Variants in ZNF208 observed in about 807,000 individuals in gnomAD.
ZNF208 encodes the protein zinc finger protein 95.
A neutral mutation model predicts 12.1 loss-of-function variants in ZNF208; 10 were observed. That is an observed-to-expected ratio of 0.83 (90% CI 0.51 to 1.40). The LOEUF is 1.40. ZNF208 is among the 40% of genes most tolerant of loss of function. ZNF208 has a pLI of 0.00. For missense variants in ZNF208, 1,652 were observed against 1,485.0 expected, an observed-to-expected ratio of 1.11 and a Z score of -1.85; for synonymous variants, 497 against 488.4, an observed-to-expected ratio of 1.02 and a Z score of -0.23.
At chr19:21,950,522 C>T (rs1969873588) in intron 4 of ZNF208, among the ~76,000 whole-genome samples, 1 of 145,114 alleles carries the variant, frequency 6.9e-6, no homozygotes, top group African/African-American at 2.6e-5. Context: ...AGGACAGAGT[C>T]TCACTCTGTC....
Position 21,972,631 on chromosome 19 carries a change from A to G in ZNF208, c.2403T>C (p.Asp801=). Residue 801 remains aspartate, a synonymous_variant, in exon 4 of 4, where the codon GAT becomes GAC. Transcript: ENST00000397126. The stretch of plus-strand genomic sequence containing the variant: ...ATTCTTCACATTTGTAGGGTTTCTC[A>G]TCAGTATGAATTCTCTTATGTTTAA... ...ILIKHKRIHT[D]EKPYKCEECG... 6 of 1,602,626 alleles carry G rather than the reference A, an allele frequency of 3.7e-6. No homozygotes were observed. The East Asian group carries it at 1.1e-4, about 30-fold the overall frequency.
intron 4 of ZNF208, among the ~76,000 whole-genome samples, chr19:21,943,524 T>C (rs1306062225): frequency 6.6e-6 from 1 of 152,216 alleles, no homozygotes; most frequent in African/African-American, 2.4e-5. Context: ...TGCTTTGTAC[T>C]AAGAATAATA....
At chr19:22,005,198 A>AG (rs1378992318) in intron 1 of ZNF208, among the ~76,000 whole-genome samples, 3 of 152,190 alleles carry the variant, frequency 2.0e-5, no homozygotes, top group Non-Finnish European at 4.4e-5. Flanking sequence ...AAAATTCCTG[A>AG]GGGTGGTGCC....
In ZNF208 at chr19:21,970,388, A is replaced by G. The variant is rs890094369; in HGVS notation, c.*803T>C. On this transcript the variant is annotated 3_prime_UTR_variant, in exon 4 of 4. Coordinates refer to ENST00000397126, the MANE Select transcript of ZNF208 (RefSeq NM_007153.3). ...TCCAGTATGAATTACATGAATGTTT[A>G]GTAAGGATTGAGGAATAGCTAAAAG... Among the ~76,000 whole-genome samples the G allele has an allele frequency of 2.6e-5, 4 of 152,168 alleles. No homozygotes were observed. Among genetic ancestry groups the G allele is most frequent in the African/African-American group, 9.6e-5 (4 of 41,462 alleles).
chr19:21,964,418 TTAAA>T (rs1200360835), downstream of ZNF208, among the ~76,000 whole-genome samples: 4 of 151,706 alleles, frequency 2.6e-5, no homozygotes, highest in African/African-American at 9.7e-5. Context: ...CTCTAAATTT[TTAAA>T]TAAATGATTT....
At chr19:21,980,003 G>GA (rs1341006611) in intron 3 of ZNF208, among the ~76,000 whole-genome samples, 2 of 151,776 alleles carry the variant, frequency 1.3e-5, no homozygotes, top group Non-Finnish European at 2.9e-5. Flanking sequence ...ATGGTAAAGG[G>GA]ATCAATGCAA....
At chr19:21,982,681 A>G (rs1970564759) in intron 3 of ZNF208, among the ~76,000 whole-genome samples, 1 of 152,206 alleles carries the variant, frequency 6.6e-6, no homozygotes, top group South Asian at 2.1e-4. Flanking sequence ...GACCAATGGA[A>G]CAGAACAAAG....
intron 1 of ZNF208, among the ~76,000 whole-genome samples, chr19:22,005,058 C>A (rs147425289): frequency 6.6e-6 from 1 of 152,108 alleles, no homozygotes; most frequent in African/African-American, 2.4e-5. Context: ...AGATTATGAA[C>A]CCTAGGCTGG....
chr19:22,005,426 A>G (rs559664474), intron 1 of ZNF208, among the ~76,000 whole-genome samples: 19 of 152,326 alleles, frequency 1.2e-4, no homozygotes, highest in Admixed American at 7.2e-4. Flanking sequence ...CCAGACACCC[A>G]GAGTTTCATT....
At chr19:21,941,157 A>G in intron 4 of ZNF208, 1 of 392,276 alleles carries the variant, frequency 2.5e-6, no homozygotes, top group East Asian at 3.6e-5. Context: ...CTTCAGCCAA[A>G]TGGAGGAACT....
In ZNF208 at chr19:22,010,818, G is replaced by A; in HGVS notation, c.-24C>T. ...ATTTCTAGGCTTCCAGGGGGTCCTG[G>A]CGACTTAGTTGTGGATCTCCCAATA... is the stretch of plus-strand genomic sequence containing the variant. On this transcript the variant is annotated 5_prime_UTR_variant, in exon 1 of 4. Transcript: ENST00000397126. 1.2e-6 allele frequency: 2 copies of A among 1,614,064 alleles called. No individual in the cohort carries two copies. The highest frequency in any genetic ancestry group is 1.1e-5 in the South Asian group (1 of 91,084).
chr19:21,960,805 A>C (rs1387781780), intron 4 of ZNF208, among the ~76,000 whole-genome samples: 1 of 152,220 alleles, frequency 6.6e-6, no homozygotes, highest in African/African-American at 2.4e-5. Flanking sequence ...CTAGAAAAAG[A>C]TGCACACTCA....
intron 4 of ZNF208, among the ~76,000 whole-genome samples, chr19:21,948,244 C>T (rs1184461930): frequency 6.6e-6 from 1 of 152,168 alleles, no homozygotes; most frequent in African/African-American, 2.4e-5. Context: ...TATATTCTGT[C>T]GCACAAACCC....
chr19:21,974,718 A>G lies in ZNF208; in HGVS notation c.316T>C (p.Cys106Arg), dbSNP rs748367150. Residue 106 changes from cysteine to arginine, a missense_variant, in exon 4 of 4, where the codon TGT (cysteine) becomes CGT (arginine). Physicochemically the swap from Cys to Arg is radical, Grantham distance 180. Coordinates refer to ENST00000397126, the MANE Select transcript of ZNF208 (RefSeq NM_007153.3). ...QKVILRRYEK[C>R]GHENLHLKIG... ...TTTAAGTGTAAATTCTCATGTCCAC[A>G]TTTTTCATACCTTCTCAATATCACT... is the stretch of plus-strand genomic sequence containing the variant. 9 of 1,613,432 alleles carry G rather than the reference A, an allele frequency of 5.6e-6. No individual in the cohort carries two copies. The Admixed American group carries it at 1.5e-4, about 27-fold the overall frequency.
In ZNF208 at chr19:21,988,782, C is replaced by A. The variant is rs770625711; in HGVS notation, c.130+1G>T. The A allele has an allele frequency of 6.2e-7, 1 of 1,614,074 alleles. No homozygotes were observed. Among genetic ancestry groups the A allele is most frequent in the Non-Finnish European group, 8.5e-7 (1 of 1,179,960 alleles). ...GAATTGCGTATTAAAGTTATTCTCA[C>A]CCAGGAAGACCAGGTTTCTGTAGTT... On this transcript the variant is annotated splice_donor_variant, in intron 2 of 3. Coordinates refer to ENST00000397126, the MANE Select transcript of ZNF208 (RefSeq NM_007153.3). LOFTEE classifies it high-confidence loss of function.
rs1410627904 is a variant in ZNF208, at chr19:22,010,925, C to A, written c.-131G>T. 1 of 1,377,560 alleles carries A rather than the reference C, an allele frequency of 7.3e-7. No individual in the cohort carries two copies. The allele number at this position is 1,377,560 out of a possible 1,614,324, so 85.3% of individuals were successfully genotyped here. On this transcript the variant is annotated 5_prime_UTR_variant, in exon 1 of 4. Coordinates refer to ENST00000397126, the MANE Select transcript of ZNF208 (RefSeq NM_007153.3). ...GTAAGGACGAGACCTTGACCTCCGG[C>A]TGCAGCGAGAGACAAAGGACCGACC...
intron 4 of ZNF208, among the ~76,000 whole-genome samples, chr19:21,956,386 T>A (rs1226912612): frequency 6.6e-6 from 1 of 152,240 alleles, no homozygotes. Context: ...GACATTTAAG[T>A]CTGCAGAAGT....
At chr19:21,962,509 A>G (rs1394084211), downstream of ZNF208, among the ~76,000 whole-genome samples, 1 of 151,984 alleles carries the variant, frequency 6.6e-6, no homozygotes, top group African/African-American at 2.4e-5. Flanking sequence ...TTTTCTGATG[A>G]AAAGGAATTT....
rs1026722891 is a variant in ZNF208 at position 22,010,916 on chromosome 19, G to C, written c.-122C>G. On this transcript the variant is annotated 5_prime_UTR_variant, in exon 1 of 4. Coordinates refer to ENST00000397126, the MANE Select transcript of ZNF208 (RefSeq NM_007153.3). Reference sequence around the variant, plus strand: ...CACACAGCAGTAAGGACGAGACCTTGACCTCCGGCTGCAGCGAGAGACAAA... The same window carrying C: ...CACACAGCAGTAAGGACGAGACCTTCACCTCCGGCTGCAGCGAGAGACAAA... 18 of 1,431,184 alleles carry C rather than the reference G, an allele frequency of 1.3e-5. No individual in the cohort carries two copies. The highest frequency in any genetic ancestry group is 4.2e-5 in the African/African-American group (3 of 71,082). 88.7% of individuals were successfully genotyped at this position (1,431,184 alleles called of 1,614,324 possible). A position where few individuals can be genotyped will look rare whatever the true frequency, so the allele number is the denominator to read the frequency against.
Sources: gnomAD v4.1 joint callset for allele counts (sites outside exome capture counted in the v4.1 genomes callset) on GRCh38, gnomAD v4.1.1 for gene constraint, MANE v1.5 for transcripts, NCBI Gene and HGNC (gene_info 2026-07-23, HGNC 2026-07-21) for gene names.